DHX29: variants seen among roughly 807,000 people sequenced by gnomAD.
DHX29 encodes the protein DExH-box helicase 29.
A neutral mutation model predicts 167.9 loss-of-function variants in DHX29; 79 were observed. The observed-to-expected ratio is 0.47, with a 90% CI of 0.39 to 0.57. The LOEUF (loss-of-function observed/expected upper bound fraction) is 0.57, where lower values mean the gene tolerates loss of function less well. Ranked by LOEUF, DHX29 falls within the 20% of genes least tolerant of loss-of-function variation. The pLI is 0.00. For missense variants in DHX29, 1,347 were observed against 1,593.4 expected (o/e 0.85, Z 2.63); for synonymous variants, 530 against 546.0 (o/e 0.97, Z 0.41).
chr5:55,266,403 C>G (rs1433523265), intron 23 of DHX29, among the ~76,000 whole-genome samples: 2 of 150,026 alleles, frequency 1.3e-5, no homozygotes, highest in African/African-American at 4.9e-5. Flanking sequence ...TCCATCTCCT[C>G]GGTTCAAGTG....
chr5:55,292,452 C>CA (rs1748098030), intron 6 of DHX29, among the ~76,000 whole-genome samples: 1 of 152,118 alleles, frequency 6.6e-6, no homozygotes, highest in Non-Finnish European at 1.5e-5. Context: ...TGAGCAAGTG[C>CA]AATAGCTACC....
intron 10 of DHX29, among the ~76,000 whole-genome samples, chr5:55,284,420 T>A (rs1457726024): frequency 6.6e-6 from 1 of 152,186 alleles, no homozygotes; most frequent in Non-Finnish European, 1.5e-5. Flanking sequence ...AATCCACAAT[T>A]CTCTCTCTGA....
chr5:55,287,193 A>G (rs1579797986), intron 8 of DHX29, among the ~76,000 whole-genome samples: 1 of 152,180 alleles, frequency 6.6e-6, no homozygotes, highest in Non-Finnish European at 1.5e-5. Flanking sequence ...GGTAATCCCA[A>G]CACTCTGGGA....
chr5:55,304,226 TTC>T (rs1180858326), intron 1 of DHX29, among the ~76,000 whole-genome samples: 3 of 152,044 alleles, frequency 2.0e-5, no homozygotes, highest in Non-Finnish European at 4.4e-5. Context: ...CTCAAGGCCT[TTC>T]TGTTCCCTCT....
intron 26 of DHX29, among the ~76,000 whole-genome samples, chr5:55,257,566 A>C (rs1746112422): frequency 6.6e-6 from 1 of 152,228 alleles, no homozygotes; most frequent in African/African-American, 2.4e-5. Context: ...CTGGGATTAC[A>C]GGCGCAAGCC....
At chr5:55,282,982 T>C (rs768224188) in intron 11 of DHX29, 5 of 383,790 alleles carry the variant, frequency 1.3e-5, no homozygotes, top group African/African-American at 6.2e-5. Context: ...TTTTCTTTTA[T>C]ATGAGAATTT....
intron 21 of DHX29, among the ~76,000 whole-genome samples, chr5:55,268,398 C>A (rs1226196949): frequency 6.6e-6 from 1 of 152,040 alleles, no homozygotes; most frequent in African/African-American, 2.4e-5. Flanking sequence ...AGTAATAAGT[C>A]ACATTTTCTT....
intron 20 of DHX29, 133 bp downstream of exon 20, chr5:55,270,279 A>G: frequency 1.0e-6 from 1 of 979,066 alleles, no homozygotes; most frequent in Non-Finnish European, 1.5e-6. Flanking sequence ...AATAAGATGG[A>G]TAAGGGCATA....
chr5:55,296,682 C>T (rs1396401126), intron 3 of DHX29, among the ~76,000 whole-genome samples: 3 of 152,154 alleles, frequency 2.0e-5, no homozygotes, highest in Non-Finnish European at 4.4e-5. Flanking sequence ...AGTAGAAACT[C>T]TGCACCATCA....
chr5:55,307,086 C>T (rs967845285), intron 1 of DHX29, among the ~76,000 whole-genome samples: 1 of 152,194 alleles, frequency 6.6e-6, no homozygotes, highest in Non-Finnish European at 1.5e-5. Flanking sequence ...TGAGATGGTG[C>T]TCAGGATGAA....
Position 55,283,826 on chromosome 5 carries a change from GAGGT to G in DHX29, c.1357-19_1357-16del. On this transcript the variant is annotated splice_polypyrimidine_tract_variant and intron_variant, in intron 10 of 26. Transcript: ENST00000251636. The stretch of plus-strand genomic sequence containing the variant: ...TGATGAACTGACTAAAGGAAAAACA[GAGGT>G]ATGTTATTTTCACTAACTATTCAAT... 1 of 1,553,506 alleles carries G rather than the reference GAGGT, an allele frequency of 6.4e-7. No individual in the cohort carries two copies. The highest frequency in any genetic ancestry group is 1.2e-5 in the South Asian group (1 of 80,468).
chr5:55,260,088 T>C (rs1746238207), intron 25 of DHX29, 144 bp from the exon 26 acceptor site: 1 of 495,488 alleles, frequency 2.0e-6, no homozygotes, highest in Non-Finnish European at 3.7e-6. Context: ...ATACAAATTA[T>C]TTCTGCTAGC....
intron 12 of DHX29, among the ~76,000 whole-genome samples, chr5:55,280,712 A>G (rs1461729125): frequency 6.6e-6 from 1 of 152,216 alleles, no homozygotes; most frequent in East Asian, 1.9e-4. Flanking sequence ...AGCTTGCAGC[A>G]CATTCAGCAT....
chr5:55,286,127 G>A (rs112999382), intron 8 of DHX29, among the ~76,000 whole-genome samples: 7 of 151,998 alleles, frequency 4.6e-5, no homozygotes, highest in African/African-American at 7.2e-5. Context: ...GGTGGCGGGC[G>A]CCTGTAGTCC....
At chr5:55,297,532 T>G in intron 2 of DHX29, 134 bp from the exon 3 acceptor site, 1 of 602,596 alleles carries the variant, frequency 1.7e-6, no homozygotes, top group Non-Finnish European at 2.9e-6. Context: ...AATTATCATT[T>G]TTTGGACTAC....
intron 1 of DHX29, 86 bp downstream of exon 1, chr5:55,307,301 G>T: frequency 8.6e-7 from 1 of 1,158,816 alleles, no homozygotes; most frequent in Non-Finnish European, 1.2e-6. Flanking sequence ...TGGGCCCGAA[G>T]CTCCTCCCGG....
intron 23 of DHX29, among the ~76,000 whole-genome samples, chr5:55,263,352 C>A (rs895557464): frequency 6.6e-6 from 1 of 152,126 alleles, no homozygotes; most frequent in Non-Finnish European, 1.5e-5. Context: ...GAAATCTCAT[C>A]TTAATTTCTT....
rs368247028 is a variant in DHX29, at chr5:55,267,725, G to A, written c.3392C>T (p.Ala1131Val). The A allele has an allele frequency of 2.1e-5, 33 of 1,605,182 alleles. No individual in the cohort carries two copies. Among genetic ancestry groups the A allele is most frequent in the Middle Eastern group, 2.1e-4 (1 of 4,704 alleles). The stretch of plus-strand genomic sequence containing the variant: ...GTAGATCGTCAGGTGGTCTGAATCC[G>A]CCATGGCCAAAGCTGATTTTGCAAG... The part of the protein sequence containing the change: ...ADLAKSALAM[A>V]DSDHLTIYNA... The change falls in exon 22 of 27, where the codon GCG (alanine) becomes GTG (valine). Residue 1131 changes from alanine to valine, a missense_variant. Transcript: ENST00000251636.
In DHX29 at chr5:55,276,422, C is replaced by T; in HGVS notation, c.2287-16G>A. The T allele has an allele frequency of 6.4e-7, 1 of 1,564,508 alleles. No individual in the cohort carries two copies. Among genetic ancestry groups the T allele is most frequent in the Non-Finnish European group, 8.6e-7 (1 of 1,159,734 alleles). On this transcript the variant is annotated splice_polypyrimidine_tract_variant and intron_variant, in intron 13 of 26. Coordinates refer to ENST00000251636, the MANE Select transcript of DHX29 (RefSeq NM_019030.4). The stretch of plus-strand genomic sequence containing the variant: ...GATGAAAAACCTGCATAGAATAAGG[C>T]ATATAAATGGGTGAATTCAAATTCG...
Sources: gnomAD v4.1 joint callset for allele counts (sites outside exome capture counted in the v4.1 genomes callset) on GRCh38, gnomAD v4.1.1 for gene constraint, MANE v1.5 for transcripts, NCBI Gene and HGNC (gene_info 2026-07-23, HGNC 2026-07-21) for gene names.